Variants in RNF217 observed in about 807,000 individuals in gnomAD.
RNF217 encodes ring finger protein 217.
Under a neutral mutation model 57.8 loss-of-function variants are expected in RNF217, and 31 were observed. That is an observed-to-expected ratio of 0.54 (90% CI 0.40 to 0.72). The LOEUF is 0.72. Among genes scored for constraint, RNF217 ranks in the 30% least tolerant of loss-of-function variants. The pLI is 0.00. For synonymous variants in RNF217, 313 were observed against 294.0 expected (o/e 1.06, Z -0.66); for missense variants, 696 against 708.3 (o/e 0.98, Z 0.20).
At chr6:124,980,730 A>G (rs1784133436) in intron 1 of RNF217, among the ~76,000 whole-genome samples, 1 of 152,114 alleles carries the variant, frequency 6.6e-6, no homozygotes, top group Non-Finnish European at 1.5e-5. Context: ...TTAAACAAAG[A>G]TTTTTTGTTG....
At chr6:125,025,756 G>A (rs1481391985) in intron 1 of RNF217, among the ~76,000 whole-genome samples, 2 of 131,564 alleles carry the variant, frequency 1.5e-5, no homozygotes, top group East Asian at 4.2e-4. Flanking sequence ...AGGAAGGGAA[G>A]GAGGGAGGGA....
chr6:125,077,352 T>G (rs1788416444), intron 4 of RNF217, among the ~76,000 whole-genome samples: 1 of 152,188 alleles, frequency 6.6e-6, no homozygotes, highest in Non-Finnish European at 1.5e-5. Context: ...GCATATATTT[T>G]TCATTGTTTT....
rs189816979 is a variant in RNF217 at position 125,072,626 on chromosome 6, T to A, written c.1282-4031T>A. Among the ~76,000 whole-genome samples the A allele has an allele frequency of 4.1e-4, 62 of 152,226 alleles. 1 individual carries two copies. Among genetic ancestry groups the A allele is most frequent in the African/African-American group, 1.4e-3 (59 of 41,546 alleles). On this transcript the variant is annotated intron_variant, in intron 3 of 5. Coordinates refer to ENST00000521654, the MANE Select transcript of RNF217 (RefSeq NM_001286398.3). ...AACAGATATAAAATTACAGTGAAAATTATATGTGAAATATGAGGCAAAACT... is the reference window on the plus strand; with the variant it reads ...AACAGATATAAAATTACAGTGAAAAATATATGTGAAATATGAGGCAAAACT...
At chr6:125,044,752 G>A (rs1412326521) in intron 1 of RNF217, among the ~76,000 whole-genome samples, 1 of 152,040 alleles carries the variant, frequency 6.6e-6, no homozygotes, top group African/African-American at 2.4e-5. Context: ...TTTTAAAATA[G>A]TAAAATGTGC....
intron 1 of RNF217, among the ~76,000 whole-genome samples, chr6:124,979,894 A>T (rs756965815): frequency 6.6e-6 from 1 of 152,194 alleles, no homozygotes; most frequent in Non-Finnish European, 1.5e-5. Context: ...CTAGTGTACA[A>T]GTGGTGGAGA....
chr6:125,043,577 T>G (rs1278949883), intron 1 of RNF217, among the ~76,000 whole-genome samples: 1 of 152,094 alleles, frequency 6.6e-6, no homozygotes, highest in African/African-American at 2.4e-5. Flanking sequence ...TTTTAATGTT[T>G]AAGTTATAAA....
At chr6:125,013,943 G>T (rs548227061) in intron 1 of RNF217, among the ~76,000 whole-genome samples, 1 of 152,076 alleles carries the variant, frequency 6.6e-6, no homozygotes, top group Non-Finnish European at 1.5e-5. Context: ...ATAATGCCCC[G>T]CTGACTACAT....
intron 2 of RNF217, among the ~76,000 whole-genome samples, chr6:125,053,400 G>A (rs986478955): frequency 1.3e-5 from 2 of 152,100 alleles, no homozygotes; most frequent in South Asian, 2.1e-4. Context: ...TCATTATTGA[G>A]AATCTGAACC....
chr6:125,033,557 G>A (rs1786459775), intron 1 of RNF217, among the ~76,000 whole-genome samples: 1 of 148,830 alleles, frequency 6.7e-6, no homozygotes, highest in African/African-American at 2.5e-5. Flanking sequence ...GTATTCCATG[G>A]TGTATATGTG....
chr6:124,998,856 G>A (rs1784855948), intron 1 of RNF217, among the ~76,000 whole-genome samples: 2 of 152,188 alleles, frequency 1.3e-5, no homozygotes, highest in South Asian at 2.1e-4. Context: ...CACCTGTATG[G>A]TTGTAAACAT....
chr6:125,027,636 A>G (rs1434784336), intron 1 of RNF217, among the ~76,000 whole-genome samples: 1 of 152,084 alleles, frequency 6.6e-6, no homozygotes, highest in Non-Finnish European at 1.5e-5. Context: ...GATCTCTTCA[A>G]TATACTGACT....
chr6:124,995,073 T>C (rs1784697785), intron 1 of RNF217, among the ~76,000 whole-genome samples: 1 of 152,238 alleles, frequency 6.6e-6, no homozygotes, highest in African/African-American at 2.4e-5. Context: ...CATTGTTGAC[T>C]ATATTTGTAC....
At chr6:124,974,830 G>A (rs1783901365) in intron 1 of RNF217, among the ~76,000 whole-genome samples, 1 of 152,138 alleles carries the variant, frequency 6.6e-6, no homozygotes. Context: ...TGATGTTATC[G>A]TGTGATTCGT....
At chr6:125,020,568 T>G (rs1785797807) in intron 1 of RNF217, among the ~76,000 whole-genome samples, 1 of 152,176 alleles carries the variant, frequency 6.6e-6, no homozygotes, top group Admixed American at 6.5e-5. Flanking sequence ...TGTTGCCTTT[T>G]TTTTTTTAAA....
intron 1 of RNF217, among the ~76,000 whole-genome samples, chr6:125,015,338 C>T (rs1034753952): frequency 3.9e-5 from 6 of 152,040 alleles, no homozygotes; most frequent in South Asian, 2.1e-4. Flanking sequence ...TTTAAAAGTT[C>T]GTACTTGTAA....
chr6:124,970,376 A>G (rs1783719822), intron 1 of RNF217, among the ~76,000 whole-genome samples: 1 of 152,212 alleles, frequency 6.6e-6, no homozygotes, highest in Admixed American at 6.5e-5. Context: ...TATATTGTGA[A>G]GTTAGAACTG....
chr6:125,080,658 T>C (rs1336093473), intron 4 of RNF217, among the ~76,000 whole-genome samples: 1 of 152,072 alleles, frequency 6.6e-6, no homozygotes, highest in Non-Finnish European at 1.5e-5. Flanking sequence ...TGCCTGTGTC[T>C]TTCAAAGTCA....
intron 1 of RNF217, among the ~76,000 whole-genome samples, chr6:125,013,028 A>G (rs374858047): frequency 5.6e-4 from 85 of 152,280 alleles, no homozygotes; most frequent in African/African-American, 1.8e-3. Flanking sequence ...TTCTTCTTCA[A>G]TGCCCATAAG....
At chr6:124,983,104 T>C (rs1298781123) in intron 1 of RNF217, among the ~76,000 whole-genome samples, 1 of 152,200 alleles carries the variant, frequency 6.6e-6, no homozygotes, top group African/African-American at 2.4e-5. Flanking sequence ...CAAATAGAGG[T>C]TCTTAACTTG....
Sources: gnomAD v4.1 joint callset for allele counts (sites outside exome capture counted in the v4.1 genomes callset) on GRCh38, gnomAD v4.1.1 for gene constraint, MANE v1.5 for transcripts, NCBI Gene and HGNC (gene_info 2026-07-23, HGNC 2026-07-21) for gene names.